PLD5: variants seen among roughly 807,000 people sequenced by gnomAD.
PLD5 encodes inactive phospholipase D5.
A neutral mutation model predicts 61.1 loss-of-function variants in PLD5; 36 were observed. That is an observed-to-expected ratio of 0.59 (90% CI 0.45 to 0.78). The LOEUF is 0.78. PLD5 is among the 30% of genes least tolerant of loss of function. The pLI, the probability that PLD5 is intolerant of heterozygous loss-of-function variation, is 0.00. For missense variants in PLD5, 515 were observed against 644.4 expected, an observed-to-expected ratio of 0.80 and a Z score of 2.17; for synonymous variants, 243 against 242.8, an observed-to-expected ratio of 1.00 and a Z score of -0.01.
chr1:242,489,882 G>A (rs1558142437), intron 1 of PLD5, among the ~76,000 whole-genome samples: 1 of 152,176 alleles, frequency 6.6e-6, no homozygotes, highest in African/African-American at 2.4e-5. Flanking sequence ...AGGATGCACT[G>A]GTAATACATA....
chr1:242,484,244 C>A (rs191312183), intron 1 of PLD5, among the ~76,000 whole-genome samples: 2 of 152,200 alleles, frequency 1.3e-5, no homozygotes, highest in East Asian at 1.9e-4. Context: ...ACACAAAAAA[C>A]CCTTCAAAAA....
At chr1:242,451,386 G>T (rs1030073768) in intron 1 of PLD5, among the ~76,000 whole-genome samples, 4 of 150,180 alleles carry the variant, frequency 2.7e-5, no homozygotes, top group African/African-American at 9.8e-5. Context: ...GATGCCACTG[G>T]TTATTTTATT....
chr1:242,261,267 T>C (rs945834887), intron 4 of PLD5, among the ~76,000 whole-genome samples: 6 of 152,142 alleles, frequency 3.9e-5, no homozygotes, highest in African/African-American at 1.4e-4. Context: ...GAACATGCAG[T>C]GAAGAAACTT....
chr1:242,235,956 T>A (rs1176085461), intron 4 of PLD5: 2 of 152,252 alleles, frequency 1.3e-5, no homozygotes, highest in Non-Finnish European at 2.9e-5. Context: ...TTCGATTTTC[T>A]GTAATCATGA....
At chr1:242,151,476 A>G (rs1486538146) in intron 5 of PLD5, among the ~76,000 whole-genome samples, 1 of 152,060 alleles carries the variant, frequency 6.6e-6, no homozygotes, top group Admixed American at 6.6e-5. Context: ...CTCTAAAGAT[A>G]TCATTTCATT....
chr1:242,319,793 T>C (rs2149185092), intron 2 of PLD5, among the ~76,000 whole-genome samples: 1 of 152,364 alleles, frequency 6.6e-6, no homozygotes, highest in Admixed American at 6.5e-5. Context: ...TATGTAATAA[T>C]GCAGATTCAC....
Position 242,138,287 on chromosome 1 carries a change from G to A in PLD5, c.736-13622C>T, listed in dbSNP as rs542006195. ...TATGGGTGTGCATGGGTGGTTGGGGGATGCAAGAGTGATGGCAGTTGGGAA... is the reference window on the plus strand; with the variant it reads ...TATGGGTGTGCATGGGTGGTTGGGGAATGCAAGAGTGATGGCAGTTGGGAA... On this transcript the variant is annotated intron_variant, in intron 5 of 9. Coordinates refer to ENST00000536534, the MANE Select transcript of PLD5 (RefSeq NM_001372062.1). Among the ~76,000 whole-genome samples the A allele has an allele frequency of 2.6e-5, 4 of 152,218 alleles. No homozygotes were observed. In the East Asian group the frequency reaches 7.7e-4, roughly 29 times the overall value.
chr1:242,523,435 G>A (rs1669342661), intron 1 of PLD5, among the ~76,000 whole-genome samples: 1 of 151,882 alleles, frequency 6.6e-6, no homozygotes, highest in African/African-American at 2.4e-5. Context: ...TGGGAGTAGA[G>A]GTCCCCTCTC....
intron 6 of PLD5, among the ~76,000 whole-genome samples, chr1:242,120,652 TAACTG>T (rs1160058811): frequency 1.1e-4 from 17 of 152,296 alleles, no homozygotes; most frequent in African/African-American, 2.2e-4. Context: ...ACAGGTGACT[TAACTG>T]AACAATAAAC....
intron 4 of PLD5, among the ~76,000 whole-genome samples, chr1:242,243,040 G>T (rs1202012103): frequency 6.6e-6 from 1 of 152,168 alleles, no homozygotes; most frequent in Non-Finnish European, 1.5e-5. Context: ...GGCTTCTCAG[G>T]CAATTTCATC....
chr1:242,124,776 T>C, intron 5 of PLD5, 111 bp from the exon 6 acceptor site: 1 of 844,542 alleles, frequency 1.2e-6, no homozygotes, highest in Non-Finnish European at 1.8e-6. Flanking sequence ...TTTTCTTGCA[T>C]TTGAAGTAAG....
intron 2 of PLD5, among the ~76,000 whole-genome samples, chr1:242,313,835 G>T (rs1412109741): frequency 6.6e-6 from 1 of 151,700 alleles, no homozygotes; most frequent in Non-Finnish European, 1.5e-5. Context: ...GGAACACGCT[G>T]CTAAGTCAAT....
At chr1:242,276,060 G>C (rs1158773139) in intron 3 of PLD5, among the ~76,000 whole-genome samples, 5 of 152,126 alleles carry the variant, frequency 3.3e-5, no homozygotes, top group African/African-American at 1.2e-4. Flanking sequence ...GGAAAGAGCT[G>C]GGTGTGCTGG....
intron 1 of PLD5, among the ~76,000 whole-genome samples, chr1:242,353,523 T>C (rs941632951): frequency 6.6e-6 from 1 of 152,182 alleles, no homozygotes; most frequent in African/African-American, 2.4e-5. Flanking sequence ...TATGGTTCCA[T>C]ATGAATTTTA....
At position 242,194,479 on chromosome 1, in the gene PLD5, C is replaced by T. The variant is rs368459126; in HGVS notation, c.735+25509G>A. On this transcript the variant is annotated intron_variant, in intron 5 of 9. Coordinates refer to ENST00000536534, the MANE Select transcript of PLD5 (RefSeq NM_001372062.1). ...AAAGATACTCACACATACATGTTTA[C>T]AGCAGCACCATTCACAATTGCAAAA... 5.2e-4 allele frequency among the ~76,000 whole-genome samples: 79 copies of T among 152,292 alleles called. 2 individuals are homozygous for T. In the South Asian group the frequency reaches 0.016, roughly 30 times the overall value.
chr1:242,369,910 T>C (rs1337940056), intron 1 of PLD5, among the ~76,000 whole-genome samples: 1 of 152,158 alleles, frequency 6.6e-6, no homozygotes, highest in Non-Finnish European at 1.5e-5. Flanking sequence ...TTTCACAAAT[T>C]ACAGGGGACA....
At chr1:242,400,156 A>G (rs1213923513) in intron 1 of PLD5, among the ~76,000 whole-genome samples, 1 of 151,564 alleles carries the variant, frequency 6.6e-6, no homozygotes, top group Non-Finnish European at 1.5e-5. Flanking sequence ...CGACAAGAGT[A>G]CAAGAGTGAA....
intron 5 of PLD5, among the ~76,000 whole-genome samples, chr1:242,161,443 A>G (rs1665819780): frequency 6.8e-6 from 1 of 146,168 alleles, no homozygotes; most frequent in African/African-American, 2.6e-5. Context: ...ACAGCTATAT[A>G]GAAGTATATG....
At chr1:242,484,039 C>G (rs950773573) in intron 1 of PLD5, among the ~76,000 whole-genome samples, 2 of 152,190 alleles carry the variant, frequency 1.3e-5, no homozygotes, top group African/African-American at 4.8e-5. Flanking sequence ...ATACCAGAAT[C>G]TCTGGGACAC....
Sources: gnomAD v4.1 joint callset for allele counts (sites outside exome capture counted in the v4.1 genomes callset) on GRCh38, gnomAD v4.1.1 for gene constraint, MANE v1.5 for transcripts, NCBI Gene and HGNC (gene_info 2026-07-23, HGNC 2026-07-21) for gene names.